Variants in MAGEB5 observed in about 807,000 individuals in gnomAD.
The protein encoded by MAGEB5 is MAGE family member B5.
For synonymous variants in MAGEB5, 70 were observed against 75.0 expected (o/e 0.93, Z 0.34); for missense variants, 189 against 197.1 (o/e 0.96, Z 0.25).
chrX:26,216,655 T>G (rs1485215242), intron 1 of MAGEB5, among the ~76,000 whole-genome samples: 1 of 112,062 alleles, frequency 8.9e-6, no homozygotes, highest in Non-Finnish European at 1.9e-5. Context: ...AGTGATAAGC[T>G]GAGGACCCCC....
In MAGEB5 at chrX:26,217,373, TTCCTCAGAGG is replaced by T; in HGVS notation, c.75_84del (p.Ser26HisfsTer12). 1 of 1,166,175 alleles carries T rather than the reference TTCCTCAGAGG, an allele frequency of 8.6e-7. No individual in the cohort carries two copies. Among genetic ancestry groups the T allele is most frequent in the Non-Finnish European group, 1.1e-6 (1 of 872,404 alleles). On this transcript the variant is annotated frameshift_variant, in exon 2 of 2. Transcript: ENST00000602297. LOFTEE classifies it low-confidence loss of function (END_TRUNC). ...ACAGTAGAGATGAGGAGTACCCATG[TTCCTCAGAGG>T]TCTCACCCTCCACTGAGAGTTCATG...
chrX:26,217,784 A>C lies in MAGEB5; in HGVS notation c.483A>C (p.Ile161=), dbSNP rs1365596478. ...DTWKFLDMMQ[I]YDGKKYYIYG... is the part of the protein sequence containing the mutation. ...GGAAATTTCTGGATATGATGCAAAT[A>C]TATGATGGGAAGAAGTACTACATCT... Residue 161 remains isoleucine, a synonymous_variant, in exon 2 of 2, where the codon ATA becomes ATC. Coordinates refer to ENST00000602297, the MANE Select transcript of MAGEB5 (RefSeq NM_001271752.1). The C allele has an allele frequency of 8.6e-7, 1 of 1,167,518 alleles. No individual in the cohort carries two copies. Among genetic ancestry groups the C allele is most frequent in the East Asian group, 3.2e-5 (1 of 30,789 alleles).
In MAGEB5 at chrX:26,218,008, A is replaced by G. The variant is rs1929476152; in HGVS notation, c.707A>G (p.Tyr236Cys). 1 of 1,187,098 alleles carries G rather than the reference A, an allele frequency of 8.4e-7. No homozygotes were observed. Among genetic ancestry groups the G allele is most frequent in the African/African-American group, 1.8e-5 (1 of 56,646 alleles). The change falls in exon 2 of 2, where the codon TAT (tyrosine) becomes TGT (cysteine). Residue 236 changes from tyrosine to cysteine, a missense_variant. Transcript: ENST00000602297. ...GCTCCAGGTGCCTTCTCATCACAAT[A>G]TGAAGAGGCTTTGCAAGATGAGGAA... is the stretch of plus-strand genomic sequence containing the variant. ...DIAPGAFSSQYEEALQDEEES... is the reference protein window; with the variant it reads ...DIAPGAFSSQCEEALQDEEES...
chrX:26,218,209 C>T lies in MAGEB5; in HGVS notation c.*80C>T. ...TTTTTTGGAAATACAAAAGAACCCC[C>T]AGTAAAATAATTGAGATAATGAAAT... is the stretch of plus-strand genomic sequence containing the variant. On this transcript the variant is annotated 3_prime_UTR_variant, in exon 2 of 2. Coordinates refer to ENST00000602297, the MANE Select transcript of MAGEB5 (RefSeq NM_001271752.1). 1 of 589,216 alleles carries T rather than the reference C, an allele frequency of 1.7e-6. No homozygotes were observed. The highest frequency in any genetic ancestry group is 2.5e-6 in the Non-Finnish European group (1 of 400,440). The allele number at this position is 589,216 out of a possible 1,213,427, so 48.6% of individuals were successfully genotyped here.
chrX:26,216,310 T>G (rs1298362748), intron 1 of MAGEB5, 112 bp downstream of exon 1: 1 of 111,637 alleles, frequency 9.0e-6, no homozygotes, highest in African/African-American at 3.3e-5. Flanking sequence ...GAAGGAGAAG[T>G]TCCACACCCT....
At position 26,217,956 on chromosome X, in the gene MAGEB5, G is replaced by C. The variant is rs1377299860; in HGVS notation, c.655G>C (p.Glu219Gln). 1 of 1,205,226 alleles carries C rather than the reference G, an allele frequency of 8.3e-7. No homozygotes were observed. The highest frequency in any genetic ancestry group is 1.1e-6 in the Non-Finnish European group (1 of 892,853). Reference protein sequence around the residue: ...YTETSKMKVLEYLAKVNDIAP... With the variant: ...YTETSKMKVLQYLAKVNDIAP... ...TGAAACCAGCAAGATGAAAGTCCTG[G>C]AATATTTGGCCAAGGTCAATGATAT... is the stretch of plus-strand genomic sequence containing the variant. The change falls in exon 2 of 2, where the codon GAA becomes CAA. Residue 219 changes from glutamate (E) to glutamine (Q), a missense_variant. Physicochemically the swap from Glu to Gln is conservative, Grantham distance 29. Coordinates refer to ENST00000602297, the MANE Select transcript of MAGEB5 (RefSeq NM_001271752.1).
In MAGEB5 at chrX:26,217,927, A is replaced by T; in HGVS notation, c.626A>T (p.Tyr209Phe). The part of the protein sequence containing the change: ...HYQFLWGPRA[Y>F]TETSKMKVLE... ...CAATTCCTTTGGGGTCCAAGAGCCTATACTGAAACCAGCAAGATGAAAGTC... is the reference window on the plus strand; with the variant it reads ...CAATTCCTTTGGGGTCCAAGAGCCTTTACTGAAACCAGCAAGATGAAAGTC... Residue 209 changes from tyrosine (Y) to phenylalanine (F), a missense_variant, in exon 2 of 2, where the codon TAT becomes TTT. Tyr to Phe is a conservative substitution (Grantham distance 22). Coordinates refer to ENST00000602297, the MANE Select transcript of MAGEB5 (RefSeq NM_001271752.1). 8.3e-7 allele frequency: 1 copy of T among 1,208,312 alleles called. No individual in the cohort carries two copies. The highest frequency in any genetic ancestry group is 1.1e-6 in the Non-Finnish European group (1 of 893,685).
At chrX:26,217,048 TCTC>T in intron 1 of MAGEB5, 34 bp from the exon 2 acceptor site, 1 of 353,704 alleles carries the variant, frequency 2.8e-6, no homozygotes, top group Non-Finnish European at 4.8e-6. Flanking sequence ...CTTGACCCGT[TCTC>T]CTACTCATTC....
chrX:26,216,978 G>A, intron 1 of MAGEB5, 107 bp from the exon 2 acceptor site: 1 of 232,141 alleles, frequency 4.3e-6, no homozygotes, highest in Non-Finnish European at 7.7e-6. Flanking sequence ...TATAACCATG[G>A]TAGAATTTCC....
rs1929474942 is a variant in MAGEB5 at position 26,217,949 on chromosome X, A to G, written c.648A>G (p.Lys216=). Residue 216 remains lysine (K), a synonymous_variant, in exon 2 of 2, where the codon AAA becomes AAG. Transcript: ENST00000602297. ...CCTATACTGAAACCAGCAAGATGAA[A>G]GTCCTGGAATATTTGGCCAAGGTCA... ...PRAYTETSKM[K]VLEYLAKVND... 8.3e-7 allele frequency: 1 copy of G among 1,207,943 alleles called. No individual in the cohort carries two copies. Among genetic ancestry groups the G allele is most frequent in the Non-Finnish European group, 1.1e-6 (1 of 893,591 alleles).
intron 1 of MAGEB5, 52 bp from the exon 2 acceptor site, chrX:26,217,033 G>T (rs1929459590): frequency 3.2e-6 from 1 of 316,521 alleles, no homozygotes; most frequent in East Asian, 4.8e-5. Flanking sequence ...CCTCCAGTGG[G>T]CTCTCTTGAC....
In MAGEB5 at chrX:26,217,322, T is replaced by C. The variant is rs1347715565; in HGVS notation, c.21T>C (p.Phe7=). Residue 7 remains phenylalanine, a synonymous_variant, in exon 2 of 2, where the codon TTT becomes TTC. Coordinates refer to ENST00000602297, the MANE Select transcript of MAGEB5 (RefSeq NM_001271752.1). ...GCACCATGACTTCTGCAGGTGTTTTTAATGCAGGATCTGACGAAAGGGCTA... is the reference window on the plus strand; with the variant it reads ...GCACCATGACTTCTGCAGGTGTTTTCAATGCAGGATCTGACGAAAGGGCTA... MTSAGV[F]NAGSDERANS... is the part of the protein sequence containing the mutation. 1.7e-6 allele frequency: 2 copies of C among 1,147,502 alleles called. No individual in the cohort carries two copies. The highest frequency in any genetic ancestry group is 2.3e-6 in the Non-Finnish European group (2 of 865,019). 94.6% of individuals were successfully genotyped at this position (1,147,502 alleles called of 1,213,427 possible). A position where few individuals can be genotyped will look rare whatever the true frequency, so the allele number is the denominator to read the frequency against.
chrX:26,217,588 A>G lies in MAGEB5; in HGVS notation c.287A>G (p.Asp96Gly), dbSNP rs1470409979. 1 of 1,166,888 alleles carries G rather than the reference A, an allele frequency of 8.6e-7. No homozygotes were observed. The highest frequency in any genetic ancestry group is 1.1e-6 in the Non-Finnish European group (1 of 873,065). The change falls in exon 2 of 2, where the codon GAC becomes GGC. Residue 96 changes from aspartate (D) to glycine (G), a missense_variant. Asp to Gly is a moderately conservative substitution (Grantham distance 94). Transcript: ENST00000602297. Reference protein sequence around the residue: ...SEHIEVVFAVDLKEVNPTCHL... With the variant: ...SEHIEVVFAVGLKEVNPTCHL... ...CACATTGAGGTTGTCTTTGCAGTTGACTTGAAGGAAGTCAACCCAACTTGT... is the reference window on the plus strand; with the variant it reads ...CACATTGAGGTTGTCTTTGCAGTTGGCTTGAAGGAAGTCAACCCAACTTGT...
chrX:26,217,085 A>C lies in MAGEB5; in HGVS notation c.-217A>C. On this transcript the variant is annotated splice_region_variant and 5_prime_UTR_variant, in exon 2 of 2. Coordinates refer to ENST00000602297, the MANE Select transcript of MAGEB5 (RefSeq NM_001271752.1). Reference sequence around the variant, plus strand: ...TCTCCTGCCTGCTGTCCTTTATCAGAGTCAACATGTCTCAGGATCAGAACA... The same window carrying C: ...TCTCCTGCCTGCTGTCCTTTATCAGCGTCAACATGTCTCAGGATCAGAACA... 2.6e-6 allele frequency: 1 copy of C among 383,288 alleles called. No homozygotes were observed. Among genetic ancestry groups the C allele is most frequent in the South Asian group, 6.6e-5 (1 of 15,178 alleles). The allele number at this position is 383,288 out of a possible 1,213,427, so 31.6% of individuals were successfully genotyped here.
rs1929460335 is a variant in MAGEB5 at position 26,217,090 on chromosome X, A to G, written c.-212A>G. Reference sequence around the variant, plus strand: ...TGCCTGCTGTCCTTTATCAGAGTCAACATGTCTCAGGATCAGAACAGTAAG... The same window carrying G: ...TGCCTGCTGTCCTTTATCAGAGTCAGCATGTCTCAGGATCAGAACAGTAAG... On this transcript the variant is annotated 5_prime_UTR_variant, in exon 2 of 2. Coordinates refer to ENST00000602297, the MANE Select transcript of MAGEB5 (RefSeq NM_001271752.1). 5.2e-6 allele frequency: 2 copies of G among 387,643 alleles called. No homozygotes were observed. Among genetic ancestry groups the G allele is most frequent in the African/African-American group, 2.5e-5 (1 of 39,548 alleles). The allele number at this position is 387,643 out of a possible 1,213,427, so 31.9% of individuals were successfully genotyped here.
Position 26,217,957 on chromosome X carries a change from A to AAT in MAGEB5, c.659_660dup (p.Leu221IlefsTer59). On this transcript the variant is annotated frameshift_variant, in exon 2 of 2. Transcript: ENST00000602297. LOFTEE classifies it low-confidence loss of function (END_TRUNC). ...GAAACCAGCAAGATGAAAGTCCTGG[A>AAT]ATATTTGGCCAAGGTCAATGATATT... 1 of 1,207,016 alleles carries AAT rather than the reference A, an allele frequency of 8.3e-7. No homozygotes were observed. The highest frequency in any genetic ancestry group is 1.1e-6 in the Non-Finnish European group (1 of 893,131).
Position 26,218,253 on chromosome X carries a change from A to G in MAGEB5, c.*124A>G. Reference sequence around the variant, plus strand: ...ATGAAATAGAAAAAAATAATAAAACATGATCTTGGTTTTCTTCATTCCTTT... The same window carrying G: ...ATGAAATAGAAAAAAATAATAAAACGTGATCTTGGTTTTCTTCATTCCTTT... On this transcript the variant is annotated 3_prime_UTR_variant, in exon 2 of 2. Transcript: ENST00000602297. The G allele has an allele frequency of 2.3e-6, 1 of 443,878 alleles. No homozygotes were observed. The highest frequency in any genetic ancestry group is 5.6e-5 in the South Asian group (1 of 17,814). 36.6% of individuals were successfully genotyped at this position (443,878 alleles called of 1,213,427 possible). A position where few individuals can be genotyped will look rare whatever the true frequency, so the allele number is the denominator to read the frequency against.
Position 26,217,983 on chromosome X carries a change from G to T in MAGEB5, c.682G>T (p.Ala228Ser). The T allele has an allele frequency of 8.3e-7, 1 of 1,199,208 alleles. No homozygotes were observed. Among genetic ancestry groups the T allele is most frequent in the Non-Finnish European group, 1.1e-6 (1 of 888,830 alleles). The change falls in exon 2 of 2, where the codon GCT (alanine) becomes TCT (serine). Residue 228 changes from alanine (A) to serine (S), a missense_variant. Transcript: ENST00000602297. ...LEYLAKVNDIAPGAFSSQYEE... is the reference protein window; with the variant it reads ...LEYLAKVNDISPGAFSSQYEE... ...ATATTTGGCCAAGGTCAATGATATT[G>T]CTCCAGGTGCCTTCTCATCACAATA...
chrX:26,217,826 G>T lies in MAGEB5; in HGVS notation c.525G>T (p.Lys175Asn). The T allele has an allele frequency of 8.5e-7, 1 of 1,176,562 alleles. No individual in the cohort carries two copies. The highest frequency in any genetic ancestry group is 1.1e-6 in the Non-Finnish European group (1 of 877,725). ...ACTACATCTATGGAGAGCCCAGGAA[G>T]CTCATCACTCAGGATTTCGTGAGGC... Reference protein sequence around the residue: ...KKYYIYGEPRKLITQDFVRLT... With the variant: ...KKYYIYGEPRNLITQDFVRLT... Residue 175 changes from lysine to asparagine, a missense_variant, in exon 2 of 2, where the codon AAG becomes AAT. Lys to Asn is a moderately conservative substitution (Grantham distance 94). Coordinates refer to ENST00000602297, the MANE Select transcript of MAGEB5 (RefSeq NM_001271752.1).
Sources: allele counts gnomAD v4.1 joint callset (sites outside exome capture counted in the v4.1 genomes callset), GRCh38; gene constraint gnomAD v4.1.1; transcripts MANE v1.5; gene names NCBI Gene and HGNC (gene_info 2026-07-23, HGNC 2026-07-21).